Variants in FBXO22 observed in about 807,000 individuals in gnomAD.
FBXO22 encodes the protein F-box protein 22, also known as F-box only protein 22.
Under a neutral mutation model 37.2 loss-of-function variants are expected in FBXO22, and 13 were observed. The ratio of observed to expected loss-of-function variants is 0.35; its 90% CI spans 0.23 to 0.56. FBXO22 has a LOEUF of 0.56. Ranked by LOEUF, FBXO22 falls within the 20% of genes least tolerant of loss-of-function variation. The pLI is 0.87. For synonymous variants in FBXO22, 189 were observed against 189.1 expected (o/e 1.00, Z 0.00); for missense variants, 446 against 509.9 (o/e 0.87, Z 1.21).
intron 4 of FBXO22, among the ~76,000 whole-genome samples, chr15:75,915,856 C>G (rs553022364): frequency 6.6e-6 from 1 of 150,742 alleles, no homozygotes; most frequent in Admixed American, 6.6e-5. Flanking sequence ...GCCGAGATCA[C>G]GCCATTGCAC....
chr15:75,924,967 A>G (rs905198680), intron 5 of FBXO22, among the ~76,000 whole-genome samples: 3 of 152,088 alleles, frequency 2.0e-5, no homozygotes, highest in Non-Finnish European at 4.4e-5. Flanking sequence ...TCTGGATTTG[A>G]GTTTTATTTG....
At position 75,936,143 on chromosome 15, in the gene FBXO22, T is replaced by G. The variant is rs1245073518; in HGVS notation, c.*3041T>G. The G allele has an allele frequency of 6.6e-6, 1 of 152,204 alleles. No individual in the cohort carries two copies. The highest frequency in any genetic ancestry group is 6.5e-5 in the Admixed American group (1 of 15,276). 9.4% of individuals were successfully genotyped at this position (152,204 alleles called of 1,614,324 possible). A position where few individuals can be genotyped will look rare whatever the true frequency, so the allele number is the denominator to read the frequency against. On this transcript the variant is annotated 3_prime_UTR_variant, in exon 7 of 7. Coordinates refer to ENST00000308275, the MANE Select transcript of FBXO22 (RefSeq NM_147188.3). ...GAAATTTTTAAGAATATAAATATGC[T>G]TTTGTCATTTTATACCCAGTCTGGC... is the stretch of plus-strand genomic sequence containing the variant.
At chr15:75,910,728 A>G (rs1024118103) in intron 2 of FBXO22, among the ~76,000 whole-genome samples, 1 of 152,108 alleles carries the variant, frequency 6.6e-6, no homozygotes, top group East Asian at 1.9e-4. Context: ...GTTCACTCTG[A>G]TGATAGTTTC....
intron 5 of FBXO22, among the ~76,000 whole-genome samples, chr15:75,922,334 C>T (rs191693980): frequency 7.9e-5 from 12 of 152,346 alleles, no homozygotes; most frequent in Non-Finnish European, 1.8e-4. Flanking sequence ...ACTGCATAAT[C>T]ATAACCCAAG....
At chr15:75,918,453 G>A (rs1474608307) in intron 5 of FBXO22, among the ~76,000 whole-genome samples, 1 of 152,128 alleles carries the variant, frequency 6.6e-6, no homozygotes, top group African/African-American at 2.4e-5. Flanking sequence ...AGTAGATGGT[G>A]GAAAGTCTCA....
At chr15:75,911,441 G>A (rs995275080) in intron 2 of FBXO22, among the ~76,000 whole-genome samples, 5 of 152,092 alleles carry the variant, frequency 3.3e-5, no homozygotes, top group Non-Finnish European at 5.9e-5. Flanking sequence ...TTATTTCCTT[G>A]AGCAGTGGTA....
Position 75,938,700 on chromosome 15 carries a change from A to C in FBXO22, c.*5598A>C, listed in dbSNP as rs558402374. On this transcript the variant is annotated 3_prime_UTR_variant, in exon 7 of 7. Transcript: ENST00000308275. Reference sequence around the variant, plus strand: ...GAATCAGCAAACTTGAGATGGGATCACTGAAAGCAGAAACAACAAATCAAG... The same window carrying C: ...GAATCAGCAAACTTGAGATGGGATCCCTGAAAGCAGAAACAACAAATCAAG... 6.6e-6 allele frequency: 1 copy of C among 152,326 alleles called. No homozygotes were observed. The highest frequency in any genetic ancestry group is 2.1e-4 in the South Asian group (1 of 4,826). The allele number at this position is 152,326 out of a possible 1,614,324, so 9.4% of individuals were successfully genotyped here. A position where few individuals can be genotyped will look rare whatever the true frequency, so the allele number is the denominator to read the frequency against.
chr15:75,904,131 C>A, intron 1 of FBXO22, 28 bp downstream of exon 1: 1 of 1,522,428 alleles, frequency 6.6e-7, no homozygotes, highest in Non-Finnish European at 8.8e-7. Context: ...AGGCGGGAAG[C>A]TTGCCTGGGG....
In FBXO22 at chr15:75,921,364, T is replaced by C. The variant is rs762701171; in HGVS notation, c.628+3970T>C. Among the ~76,000 whole-genome samples the C allele has an allele frequency of 3.9e-5, 6 of 152,128 alleles. 1 individual carries two copies. The South Asian group carries it at 1.2e-3, about 32-fold the overall frequency. ...TATGCTTAAGCTACATTAAATTAAT[T>C]GAAACATTTTTGTTTGGCCGGGCAC... On this transcript the variant is annotated intron_variant, in intron 5 of 6. Coordinates refer to ENST00000308275, the MANE Select transcript of FBXO22 (RefSeq NM_147188.3).
chr15:75,913,406 C>A (rs1046648983), intron 3 of FBXO22, 116 bp downstream of exon 3: 3 of 646,856 alleles, frequency 4.6e-6, no homozygotes, highest in Admixed American at 5.0e-5. Flanking sequence ...CTGGGACTGC[C>A]ACCTGTAGTA....
chr15:75,930,488 C>T (rs1334650620), intron 6 of FBXO22: 2 of 984,960 alleles, frequency 2.0e-6, no homozygotes, highest in East Asian at 1.1e-4. Flanking sequence ...GTGACAGTTC[C>T]CAAATGTGTT....
intron 6 of FBXO22, 70 bp from the exon 7 acceptor site, chr15:75,932,615 G>C: frequency 7.0e-7 from 1 of 1,427,396 alleles, no homozygotes; most frequent in Non-Finnish European, 9.4e-7. Flanking sequence ...AGTGAATCAG[G>C]AGGATTTTGC....
Position 75,934,973 on chromosome 15 carries a change from ATGT to A in FBXO22, c.*1876_*1878del, listed in dbSNP as rs1483036487. ...ACAGGGTAATTTCATACAATATTTG[ATGT>A]TGTTAAAGCATTCCTTTTTATAGCT... is the stretch of plus-strand genomic sequence containing the variant. On this transcript the variant is annotated 3_prime_UTR_variant, in exon 7 of 7. Transcript: ENST00000308275. The A allele has an allele frequency of 1.3e-5, 2 of 152,222 alleles. No individual in the cohort carries two copies. The highest frequency in any genetic ancestry group is 4.8e-5 in the African/African-American group (2 of 41,452). 9.4% of individuals were successfully genotyped at this position (152,222 alleles called of 1,614,324 possible).
chr15:75,912,328 A>G (rs1053858176), intron 2 of FBXO22, among the ~76,000 whole-genome samples: 10 of 152,244 alleles, frequency 6.6e-5, no homozygotes, highest in Non-Finnish European at 1.2e-4. Context: ...TGTTTGGAAT[A>G]GTTTCAGAAG....
At chr15:75,926,191 G>C (rs1900435818) in intron 5 of FBXO22, among the ~76,000 whole-genome samples, 1 of 152,222 alleles carries the variant, frequency 6.6e-6, no homozygotes, top group South Asian at 2.1e-4. Flanking sequence ...TCTGTAGTCA[G>C]ATTCTATGGC....
chr15:75,917,943 T>TG (rs1446141073), intron 5 of FBXO22, among the ~76,000 whole-genome samples: 1 of 152,162 alleles, frequency 6.6e-6, no homozygotes, highest in African/African-American at 2.4e-5. Flanking sequence ...GATGGAGCCC[T>TG]GAAGTGAATT....
intron 5 of FBXO22, 130 bp downstream of exon 5, chr15:75,917,524 A>C (rs1172372717): frequency 4.8e-6 from 3 of 621,214 alleles, no homozygotes; most frequent in Non-Finnish European, 8.3e-6. Flanking sequence ...GTCACTGGAG[A>C]TGTGGCTAAT....
intron 5 of FBXO22, among the ~76,000 whole-genome samples, chr15:75,925,137 G>T (rs890677571): frequency 6.6e-6 from 1 of 152,182 alleles, no homozygotes; most frequent in African/African-American, 2.4e-5. Context: ...CTGGCAGCCA[G>T]TTCTGGGGTG....
chr15:75,917,488 T>G, intron 5 of FBXO22, 94 bp downstream of exon 5: 1 of 907,418 alleles, frequency 1.1e-6, no homozygotes, highest in Non-Finnish European at 1.6e-6. Context: ...TAGGTTCCTT[T>G]GGGAGAATCT....
Sources: gnomAD v4.1 joint callset for allele counts (sites outside exome capture counted in the v4.1 genomes callset) on GRCh38, gnomAD v4.1.1 for gene constraint, MANE v1.5 for transcripts, NCBI Gene and HGNC (gene_info 2026-07-23, HGNC 2026-07-21) for gene names.